PAIP2: variants seen among roughly 807,000 people sequenced by gnomAD.
PAIP2 encodes the protein poly(A) binding protein interacting protein 2.
Under a neutral mutation model 14.8 loss-of-function variants are expected in PAIP2, and 7 were observed. The observed-to-expected ratio is 0.47, with a 90% CI of 0.27 to 0.89. The LOEUF is 0.89. Ranked by LOEUF, PAIP2 falls within the 40% of genes least tolerant of loss-of-function variation. The pLI, the probability that PAIP2 is intolerant of heterozygous loss-of-function variation, is 0.13. For missense variants in PAIP2, 122 were observed against 154.7 expected (o/e 0.79, Z 1.12); for synonymous variants, 47 against 45.3 (o/e 1.04, Z -0.15).
chr5:139,367,254 A>T (rs1029715623), intron 3 of PAIP2: 3 of 152,222 alleles, frequency 2.0e-5, no homozygotes, highest in Non-Finnish European at 4.4e-5. Context: ...TGTAGGGTCA[A>T]ATTCAATGTA....
intron 1 of PAIP2, among the ~76,000 whole-genome samples, chr5:139,358,085 T>C (rs550594800): frequency 6.6e-6 from 1 of 152,264 alleles, no homozygotes; most frequent in African/African-American, 2.4e-5. Flanking sequence ...CCATGCTGGT[T>C]TTCAACAGCT....
chr5:139,351,393 G>A (rs926535611), intron 1 of PAIP2, among the ~76,000 whole-genome samples: 3 of 152,142 alleles, frequency 2.0e-5, no homozygotes, highest in South Asian at 2.1e-4. Flanking sequence ...TCAGAAGGGG[G>A]TGGTTGAATA....
intron 3 of PAIP2, chr5:139,367,473 C>A (rs1486172711): frequency 6.6e-6 from 1 of 152,056 alleles, no homozygotes; most frequent in African/African-American, 2.4e-5. Flanking sequence ...CCCATTCCCC[C>A]CCACCCCTTT....
intron 1 of PAIP2, among the ~76,000 whole-genome samples, chr5:139,359,000 G>A (rs778590931): frequency 1.5e-4 from 23 of 152,044 alleles, no homozygotes; most frequent in Non-Finnish European, 3.1e-4. Flanking sequence ...TTTGAGACGA[G>A]GTCTTGCTCT....
intron 1 of PAIP2, among the ~76,000 whole-genome samples, chr5:139,357,706 C>T (rs972357717): frequency 6.6e-6 from 1 of 152,212 alleles, no homozygotes; most frequent in East Asian, 1.9e-4. Flanking sequence ...TGGCACGCGC[C>T]TGTAGTCCCA....
chr5:139,354,644 G>T (rs1227403968), intron 1 of PAIP2, among the ~76,000 whole-genome samples: 1 of 151,852 alleles, frequency 6.6e-6, no homozygotes, highest in Non-Finnish European at 1.5e-5. Context: ...TATATATTTT[G>T]GCACAGTTGA....
At chr5:139,350,503 C>T (rs1027461068) in intron 1 of PAIP2, among the ~76,000 whole-genome samples, 4 of 151,732 alleles carry the variant, frequency 2.6e-5, no homozygotes, top group Non-Finnish European at 4.4e-5. Flanking sequence ...TGGTGGCATG[C>T]GCCTGTAGTC....
intron 1 of PAIP2, among the ~76,000 whole-genome samples, chr5:139,352,576 C>A (rs1211422908): frequency 1.4e-5 from 2 of 142,250 alleles, no homozygotes; most frequent in African/African-American, 5.1e-5. Context: ...TGGCTCACCG[C>A]AACCTCTGCC....
chr5:139,367,756 C>G (rs1023774392), intron 3 of PAIP2: 1 of 152,172 alleles, frequency 6.6e-6, no homozygotes, highest in African/African-American at 2.4e-5. Flanking sequence ...TAACATGGTT[C>G]CTTGGTATTT....
At chr5:139,367,141 A>G (rs1449522498) in intron 3 of PAIP2, 1 of 152,204 alleles carries the variant, frequency 6.6e-6, no homozygotes, top group Non-Finnish European at 1.5e-5. Flanking sequence ...CCTTGGGGGA[A>G]GGGAGAATAT....
intron 3 of PAIP2, among the ~76,000 whole-genome samples, chr5:139,366,169 C>G (rs563007322): frequency 2.8e-5 from 4 of 142,666 alleles, no homozygotes; most frequent in Non-Finnish European, 6.0e-5. Flanking sequence ...TGTCGTTGCA[C>G]TCTAGCCTGG....
intron 1 of PAIP2, among the ~76,000 whole-genome samples, chr5:139,350,365 G>A (rs1242780215): frequency 6.6e-6 from 1 of 151,858 alleles, no homozygotes; most frequent in African/African-American, 2.4e-5. Flanking sequence ...AGGGGCGGTG[G>A]CTCATGCCTG....
intron 1 of PAIP2, among the ~76,000 whole-genome samples, chr5:139,361,935 CAAAAAAA>C (rs34168919): frequency 0.059 from 5,944 of 99,992 alleles, 386 homozygotes; most frequent in African/African-American, 0.23. Context: ...GACCCTGTCT[CAAAAAAA>C]AAAAAAAAAA....
At chr5:139,367,980 G>A (rs766077428) in intron 3 of PAIP2, among the ~76,000 whole-genome samples, 8 of 151,678 alleles carry the variant, frequency 5.3e-5, no homozygotes, top group Non-Finnish European at 1.0e-4. Flanking sequence ...GAGGCAGGCA[G>A]ATCACGAGGT....
At chr5:139,364,436 TCC>T in intron 2 of PAIP2, 126 bp from the exon 3 acceptor site, 4 of 556,412 alleles carry the variant, frequency 7.2e-6, no homozygotes, top group Non-Finnish European at 1.2e-5. Flanking sequence ...GCATTTTTTT[TCC>T]TTAGCATGGA....
intron 1 of PAIP2, among the ~76,000 whole-genome samples, chr5:139,357,000 T>C (rs1282926596): frequency 2.0e-5 from 3 of 152,350 alleles, no homozygotes; most frequent in East Asian, 1.9e-4. Context: ...TAGTGCCTTT[T>C]CTGAAAGAGT....
intron 1 of PAIP2, among the ~76,000 whole-genome samples, chr5:139,351,606 T>C (rs904664124): frequency 6.6e-6 from 1 of 152,232 alleles, no homozygotes; most frequent in Non-Finnish European, 1.5e-5. Flanking sequence ...AGGGAAAAAC[T>C]ATATACGCTT....
chr5:139,361,715 C>T (rs1757071238), intron 1 of PAIP2, among the ~76,000 whole-genome samples: 1 of 152,018 alleles, frequency 6.6e-6, no homozygotes, highest in South Asian at 2.1e-4. Context: ...GAGGCTGAGA[C>T]AGGTGGATCA....
At position 139,364,499 on chromosome 5, in the gene PAIP2, A is replaced by G. The variant is rs143152607; in HGVS notation, c.139-65A>G. ...GCCTTTAAATGGTTTAGTTCAAGAT[A>G]TTTTAAGCCATTCCTAGTGATATCT... is the stretch of plus-strand genomic sequence containing the variant. On this transcript the variant is annotated intron_variant, in intron 2 of 3. Transcript: ENST00000265192. 417 of 957,530 alleles carry G rather than the reference A, an allele frequency of 4.4e-4. 2 individuals are homozygous for G. In the African/African-American group the frequency reaches 6.2e-3, roughly 14 times the overall value. 59.3% of individuals were successfully genotyped at this position (957,530 alleles called of 1,614,324 possible).
Sources: allele counts gnomAD v4.1 joint callset (sites outside exome capture counted in the v4.1 genomes callset), GRCh38; gene constraint gnomAD v4.1.1; transcripts MANE v1.5; gene names NCBI Gene and HGNC (gene_info 2026-07-23, HGNC 2026-07-21).